The following PDE6B variants were observed in gnomAD, a reference collection of about 807,000 sequenced individuals.
PDE6B encodes the protein rod cGMP-specific 3',5'-cyclic phosphodiesterase subunit beta.
A neutral mutation model predicts 109.0 loss-of-function variants in PDE6B; 106 were observed. The observed-to-expected ratio is 0.97, with a 90% confidence interval of 0.83 to 1.14. The LOEUF is 1.14. Among genes scored for constraint, PDE6B ranks in the 50% most tolerant of loss-of-function variants. PDE6B has a pLI of 0.00. For synonymous variants in PDE6B, 490 were observed against 471.3 expected, an observed-to-expected ratio of 1.04 and a Z score of -0.51; for missense variants, 1,193 against 1,155.6, an observed-to-expected ratio of 1.03 and a Z score of -0.47.
In PDE6B at chr4:625,800, G is replaced by T; in HGVS notation, c.174G>T (p.Ala58=). The T allele has an allele frequency of 1.2e-6, 2 of 1,613,270 alleles. No individual in the cohort carries two copies. The highest frequency in any genetic ancestry group is 1.7e-6 in the Non-Finnish European group (2 of 1,179,918). Residue 58 remains alanine (A), a synonymous_variant, in exon 1 of 22, where the codon GCG becomes GCT. Coordinates refer to ENST00000496514, the MANE Select transcript of PDE6B (RefSeq NM_000283.4). This position sits in a 1 kb window ranked among gnomAD's most constrained non-coding sequence, Gnocchi z 5.0. ...TCTGCCAGGTGGAGGAGAGCACGGC[G>T]CTGCTGGAGCTGGTGCAGGATATGC... ...RDLCQVEEST[A]LLELVQDMQE...
chr4:659,733 T>C (rs916798123), intron 11 of PDE6B, among the ~76,000 whole-genome samples: 26 of 151,960 alleles, frequency 1.7e-4, no homozygotes, highest in Non-Finnish European at 2.8e-4. Context: ...CCCATGTGTG[T>C]GTGCTCACAT....
intron 1 of PDE6B, among the ~76,000 whole-genome samples, chr4:632,852 C>T (rs1195717976): frequency 6.6e-6 from 1 of 152,104 alleles, no homozygotes; most frequent in African/African-American, 2.4e-5. Flanking sequence ...TCATGTTGTG[C>T]TCTTTCCATA....
intron 1 of PDE6B, among the ~76,000 whole-genome samples, chr4:629,557 G>A (rs538456345): frequency 5.0e-4 from 76 of 152,348 alleles, no homozygotes; most frequent in Non-Finnish European, 5.6e-4. Flanking sequence ...CATCCCAAAG[G>A]CCCGTCCCGG....
At chr4:653,110 C>T (rs1056736857) in intron 3 of PDE6B, 1 of 935,418 alleles carries the variant, frequency 1.1e-6, no homozygotes, top group Admixed American at 5.8e-5. Context: ...GTCCTGTTCC[C>T]ACCATGAGCT....
At chr4:628,136 G>C (rs1394566090) in intron 1 of PDE6B, among the ~76,000 whole-genome samples, 1 of 149,872 alleles carries the variant, frequency 6.7e-6, no homozygotes, top group Non-Finnish European at 1.5e-5. Flanking sequence ...AGAAACTTGA[G>C]TCTGAATTGC....
intron 1 of PDE6B, among the ~76,000 whole-genome samples, chr4:631,365 T>C (rs536437747): frequency 1.3e-5 from 2 of 152,374 alleles, no homozygotes; most frequent in South Asian, 4.1e-4. Flanking sequence ...CCATAGCCTG[T>C]GTGACTATGG....
At chr4:628,810 T>G (rs1577237993) in intron 1 of PDE6B, among the ~76,000 whole-genome samples, 1 of 152,072 alleles carries the variant, frequency 6.6e-6, no homozygotes, top group Admixed American at 6.5e-5. Context: ...TTCTGGGAGG[T>G]GCAGGGCTTC....
Position 662,450 on chromosome 4 carries a change from C to T in PDE6B, c.1723-59C>T. The T allele has an allele frequency of 1.6e-6, 2 of 1,233,348 alleles. No individual in the cohort carries two copies. The highest frequency in any genetic ancestry group is 2.4e-6 in the Non-Finnish European group (2 of 834,670). The allele number at this position is 1,233,348 out of a possible 1,614,324, so 76.4% of individuals were successfully genotyped here. ...CGACGCCTAGGTCATCCCAACCCCT[C>T]ACCACTCCCCACCCTGCTGGAGCCA... On this transcript the variant is annotated intron_variant, in intron 13 of 21. Coordinates refer to ENST00000496514, the MANE Select transcript of PDE6B (RefSeq NM_000283.4). The surrounding 1 kb of genome is among the most constrained non-coding windows in gnomAD (Gnocchi z 4.3).
intron 17 of PDE6B, 79 bp downstream of exon 17, chr4:664,300 G>A (rs7436737): frequency 0.13 from 106,114 of 821,074 alleles, 8,077 homozygotes; most frequent in African/African-American, 0.27. Flanking sequence ...TAACCCTGCA[G>A]CCCTCCCCAG....
intron 18 of PDE6B, 24 bp downstream of exon 18, chr4:664,968 C>T (rs1446056334): frequency 5.1e-6 from 8 of 1,581,686 alleles, no homozygotes; most frequent in Admixed American, 1.7e-5. Context: ...GCCCTCCAGA[C>T]CCAGAGTCAG....
chr4:652,674 G>A, intron 3 of PDE6B: 1 of 184,534 alleles, frequency 5.4e-6, no homozygotes, highest in Non-Finnish European at 1.0e-5. Flanking sequence ...CTTGCACTGG[G>A]TGCTAAGTCA....
chr4:658,910 A>G (rs1736691086), intron 10 of PDE6B, 42 bp from the exon 11 acceptor site: 1 of 1,468,592 alleles, frequency 6.8e-7, no homozygotes, highest in South Asian at 1.1e-5. Flanking sequence ...CTTGTCCCAC[A>G]TGCGAAGCTC....
In PDE6B at chr4:631,428, C is replaced by T. The variant is rs73219278; in HGVS notation, c.469-3249C>T. 1.7e-3 allele frequency among the ~76,000 whole-genome samples: 249 copies of T among 148,956 alleles called. 1 individual carries two copies. Among genetic ancestry groups the T allele is most frequent in the Non-Finnish European group, 3.2e-3 (217 of 67,006 alleles). ...GATCTGTGTGGCTCCATCTAAGAGT[C>T]ACATTGTGTGGATCCTGTGGCACTG... On this transcript the variant is annotated intron_variant, in intron 1 of 21. Coordinates refer to ENST00000496514, the MANE Select transcript of PDE6B (RefSeq NM_000283.4).
At chr4:652,814 G>C (rs1373646444) in intron 3 of PDE6B, 1 of 152,208 alleles carries the variant, frequency 6.6e-6, no homozygotes, top group Non-Finnish European at 1.5e-5. Flanking sequence ...ATTTCCCTGA[G>C]GATGCCGAGG....
chr4:657,199 C>T (rs1736378989), intron 9 of PDE6B, 152 bp from the exon 10 acceptor site: 1 of 1,125,746 alleles, frequency 8.9e-7, no homozygotes. Context: ...GGAGCCTCTG[C>T]AGAGCACCCG....
At chr4:631,674 G>A (rs538990597) in intron 1 of PDE6B, among the ~76,000 whole-genome samples, 2 of 152,078 alleles carry the variant, frequency 1.3e-5, no homozygotes, top group African/African-American at 4.8e-5. Context: ...GGATCCATGT[G>A]GCTCCATCTG....
Position 664,937 on chromosome 4 carries a change from A to G in PDE6B, c.2186A>G (p.Gln729Arg), listed in dbSNP as rs1737613715. 2 of 1,612,408 alleles carry G rather than the reference A, an allele frequency of 1.2e-6. No homozygotes were observed. The highest frequency in any genetic ancestry group is 2.2e-5 in the South Asian group (2 of 91,064). ...LSAITKPWEV[Q>R]SKVALLVAAE... Reference sequence around the variant, plus strand: ...GCCATCACCAAGCCCTGGGAAGTCCAGAGCAAGGTTAGAACAGAGGGCCCT... The same window carrying G: ...GCCATCACCAAGCCCTGGGAAGTCCGGAGCAAGGTTAGAACAGAGGGCCCT... The change falls in exon 18 of 22, where the codon CAG becomes CGG. Residue 729 changes from glutamine (Q) to arginine (R), a missense_variant. Physicochemically the swap from Gln to Arg is conservative, Grantham distance 43. Coordinates refer to ENST00000496514, the MANE Select transcript of PDE6B (RefSeq NM_000283.4).
chr4:661,129 G>A (rs1183356666), intron 12 of PDE6B: 1 of 154,578 alleles, frequency 6.5e-6, no homozygotes, highest in African/African-American at 2.4e-5. Context: ...TAGATGAGTA[G>A]GTGGGTCAAT....
rs757424904 is a variant in PDE6B, at chr4:634,763, C to A, written c.555C>A (p.Asp185Glu). Residue 185 changes from aspartate (D) to glutamate (E), a missense_variant, in exon 2 of 22, where the codon GAC becomes GAA. Asp to Glu is a conservative substitution (Grantham distance 45). Transcript: ENST00000496514. ...MLATPIMNGK[D>E]VVAVIMAVNK... is the part of the protein sequence containing the mutation. Reference sequence around the variant, plus strand: ...CCACACCCATCATGAATGGCAAAGACGTCGTGGCGGTGATCATGGCAGTGA... The same window carrying A: ...CCACACCCATCATGAATGGCAAAGAAGTCGTGGCGGTGATCATGGCAGTGA... The A allele has an allele frequency of 6.2e-7, 1 of 1,613,340 alleles. No individual in the cohort carries two copies. The highest frequency in any genetic ancestry group is 1.7e-5 in the Admixed American group (1 of 59,998).
Sources: gnomAD v4.1 joint callset for allele counts (sites outside exome capture counted in the v4.1 genomes callset) on GRCh38, gnomAD v4.1.1 for gene constraint, Gnocchi (gnomAD v3.1) non-coding constraint, MANE v1.5 for transcripts, NCBI Gene and HGNC (gene_info 2026-07-23, HGNC 2026-07-21) for gene names.